Variants in EXOC4 observed in about 807,000 individuals in gnomAD.
The protein encoded by EXOC4 is exocyst complex component 4, also known as SEC8-like 1.
A neutral mutation model predicts 107.2 loss-of-function variants in EXOC4; 71 were observed. The observed-to-expected ratio is 0.66, with a 90% CI of 0.55 to 0.81. EXOC4 has a LOEUF of 0.81. Ranked by LOEUF, EXOC4 falls within the 30% of genes least tolerant of loss-of-function variation. The pLI, the probability that EXOC4 is intolerant of heterozygous loss-of-function variation, is 0.00. For missense variants in EXOC4, 1,108 were observed against 1,189.6 expected, an observed-to-expected ratio of 0.93 and a Z score of 1.01; for synonymous variants, 456 against 441.2, an observed-to-expected ratio of 1.03 and a Z score of -0.42.
At chr7:133,328,589 C>T (rs1584817140) in intron 5 of EXOC4, among the ~76,000 whole-genome samples, 1 of 152,202 alleles carries the variant, frequency 6.6e-6, no homozygotes, top group East Asian at 1.9e-4. Context: ...TTTAGTGCTT[C>T]CTCTGGACTT....
At chr7:133,659,841 A>T (rs73446982) in intron 10 of EXOC4, among the ~76,000 whole-genome samples, 13 of 152,318 alleles carry the variant, frequency 8.5e-5, no homozygotes, top group African/African-American at 3.1e-4. Flanking sequence ...GTGAATCCTG[A>T]CAAACCCTCT....
At chr7:133,638,314 C>T (rs1317965498) in intron 10 of EXOC4, among the ~76,000 whole-genome samples, 1 of 152,140 alleles carries the variant, frequency 6.6e-6, no homozygotes, top group East Asian at 1.9e-4. Flanking sequence ...AGTTATGATG[C>T]AGTTAACTGG....
intron 9 of EXOC4, among the ~76,000 whole-genome samples, chr7:133,518,128 C>T (rs1367217909): frequency 6.6e-6 from 1 of 151,930 alleles, no homozygotes; most frequent in East Asian, 1.9e-4. Flanking sequence ...TGTGCTCAAG[C>T]AGTCTTCACG....
intron 12 of EXOC4, among the ~76,000 whole-genome samples, chr7:133,910,741 G>T (rs766519129): frequency 6.6e-6 from 1 of 152,164 alleles, no homozygotes; most frequent in African/African-American, 2.4e-5. Context: ...TTGGACGACG[G>T]CACTTTACTT....
At chr7:134,092,739 A>G in the EXOC4 span, among the ~76,000 whole-genome samples, 1 of 152,084 alleles carries the variant, frequency 6.6e-6, no homozygotes, top group East Asian at 1.9e-4. Flanking sequence ...CCTGGCCAAC[A>G]TGGTGAAACC....
chr7:133,311,320 A>AT (rs1306406138), intron 4 of EXOC4, among the ~76,000 whole-genome samples: 7 of 152,176 alleles, frequency 4.6e-5, no homozygotes, highest in African/African-American at 9.7e-5. Flanking sequence ...GCAAAAATAA[A>AT]TTTTTTTAAA....
rs575812449 is a variant in EXOC4, at chr7:133,773,720, A to C, written c.1515-43605A>C. Reference sequence around the variant, plus strand: ...GATGCACTGGCACTTCTTTCCTTGCACTTATGTACTCATTCATGCACAAAG... The same window carrying C: ...GATGCACTGGCACTTCTTTCCTTGCCCTTATGTACTCATTCATGCACAAAG... On this transcript the variant is annotated intron_variant, in intron 10 of 17. Coordinates refer to ENST00000253861, the MANE Select transcript of EXOC4 (RefSeq NM_021807.4). Among the ~76,000 whole-genome samples the C allele has an allele frequency of 2.0e-5, 3 of 152,056 alleles. No individual in the cohort carries two copies. In the South Asian group the frequency reaches 6.2e-4, roughly 32 times the overall value.
chr7:133,273,699 C>G (rs188166587), intron 1 of EXOC4, among the ~76,000 whole-genome samples: 38 of 152,208 alleles, frequency 2.5e-4, no homozygotes, highest in Admixed American at 2.5e-3. Context: ...GAATTAAGAT[C>G]CTTTGCTCTA....
chr7:133,525,823 C>A (rs940198222), intron 9 of EXOC4, among the ~76,000 whole-genome samples: 1 of 152,118 alleles, frequency 6.6e-6, no homozygotes, highest in Admixed American at 6.5e-5. Context: ...TGTCTGTAAT[C>A]ATAGTTGAAG....
intron 9 of EXOC4, among the ~76,000 whole-genome samples, chr7:133,593,437 A>C (rs1278770551): frequency 6.6e-6 from 1 of 152,224 alleles, no homozygotes; most frequent in Non-Finnish European, 1.5e-5. Flanking sequence ...TCTTTAAGCC[A>C]CAGGCCATCT....
At chr7:133,881,575 G>A (rs539964032) in intron 11 of EXOC4, among the ~76,000 whole-genome samples, 12 of 152,058 alleles carry the variant, frequency 7.9e-5, no homozygotes, top group South Asian at 4.2e-4. Flanking sequence ...GTCCTTATTC[G>A]TGAACTTATT....
chr7:133,573,080 CAAAT>C (rs1281909396), intron 9 of EXOC4, among the ~76,000 whole-genome samples: 3 of 152,014 alleles, frequency 2.0e-5, no homozygotes, highest in African/African-American at 7.2e-5. Context: ...CTAAAACAAA[CAAAT>C]AAAAGGATGT....
chr7:133,502,710 A>G (rs1358785456), intron 9 of EXOC4, among the ~76,000 whole-genome samples: 1 of 152,166 alleles, frequency 6.6e-6, no homozygotes, highest in Non-Finnish European at 1.5e-5. Context: ...CTGTAAAACA[A>G]AGTGTATTCT....
chr7:133,621,104 G>C (rs901189441), intron 9 of EXOC4, among the ~76,000 whole-genome samples: 1 of 152,148 alleles, frequency 6.6e-6, no homozygotes, highest in African/African-American at 2.4e-5. Flanking sequence ...TTTGACTTAT[G>C]CTCATGGAAG....
At chr7:134,024,520 G>A (rs1446428449) in intron 17 of EXOC4, among the ~76,000 whole-genome samples, 2 of 151,744 alleles carry the variant, frequency 1.3e-5, no homozygotes, top group Admixed American at 6.6e-5. Flanking sequence ...AAATCAAGAA[G>A]CTCTGTCTTT....
At chr7:133,680,336 T>TCTAA (rs1794159092) in intron 10 of EXOC4, among the ~76,000 whole-genome samples, 1 of 152,186 alleles carries the variant, frequency 6.6e-6, no homozygotes, top group African/African-American at 2.4e-5. Flanking sequence ...TTTAACAATA[T>TCTAA]AGTTAACACT....
At chr7:133,853,345 A>ACAC (rs1798277513) in intron 11 of EXOC4, among the ~76,000 whole-genome samples, 3 of 115,486 alleles carry the variant, frequency 2.6e-5, no homozygotes, top group South Asian at 3.6e-4. Flanking sequence ...CTCTCTCTTT[A>ACAC]ACACACACAC....
chr7:133,913,700 A>G (rs774943261), intron 12 of EXOC4, among the ~76,000 whole-genome samples: 2 of 152,212 alleles, frequency 1.3e-5, no homozygotes, highest in Non-Finnish European at 2.9e-5. Flanking sequence ...CTTGAAATGC[A>G]GATGGAACTT....
chr7:133,688,621 A>G (rs1013676717), intron 10 of EXOC4, among the ~76,000 whole-genome samples: 2 of 152,200 alleles, frequency 1.3e-5, no homozygotes, highest in Non-Finnish European at 2.9e-5. Flanking sequence ...ATCTTTCAGT[A>G]TTGGCAAAAA....
Sources: gnomAD v4.1 joint callset for allele counts (sites outside exome capture counted in the v4.1 genomes callset) on GRCh38, gnomAD v4.1.1 for gene constraint, MANE v1.5 for transcripts, NCBI Gene and HGNC (gene_info 2026-07-23, HGNC 2026-07-21) for gene names.